WDFY4: variants seen among roughly 807,000 people sequenced by gnomAD.
WDFY4 encodes WDFY family member 4.
In WDFY4, 169 loss-of-function variants were observed where a neutral mutation model predicts 351.9. That is an observed-to-expected ratio of 0.48 (90% CI 0.42 to 0.55). The LOEUF is 0.55. Ranked by LOEUF, WDFY4 falls within the 20% of genes least tolerant of loss-of-function variation. WDFY4 has a pLI of 0.00. For missense variants in WDFY4, 3,803 were observed against 3,935.6 expected (o/e 0.97, Z 0.90); for synonymous variants, 1,622 against 1,574.6 (o/e 1.03, Z -0.71).
At chr10:48,907,284 C>T (rs1395227406) in intron 47 of WDFY4, among the ~76,000 whole-genome samples, 2 of 152,176 alleles carry the variant, frequency 1.3e-5, no homozygotes, top group Admixed American at 6.5e-5. Flanking sequence ...CTCTCTTGGG[C>T]TCAGCACATA....
intron 39 of WDFY4, among the ~76,000 whole-genome samples, chr10:48,863,760 A>G (rs536590349): frequency 1.3e-5 from 2 of 152,192 alleles, no homozygotes; most frequent in East Asian, 3.9e-4. Flanking sequence ...ACTGCCCAAG[A>G]CTGGGTAATT....
intron 47 of WDFY4, among the ~76,000 whole-genome samples, chr10:48,916,978 G>C (rs1295509045): frequency 6.6e-6 from 1 of 151,944 alleles, no homozygotes; most frequent in Non-Finnish European, 1.5e-5. Context: ...TGTCCCATAA[G>C]ATTGTGATAC....
rs1369674652 is a variant in WDFY4, at chr10:48,791,006, A to C, written c.4257+89A>C. 8.9e-6 allele frequency: 13 copies of C among 1,466,730 alleles called. No individual in the cohort carries two copies. The East Asian group carries it at 3.2e-4, about 36-fold the overall frequency. The allele number at this position is 1,466,730 out of a possible 1,614,324, so 90.9% of individuals were successfully genotyped here. On this transcript the variant is annotated intron_variant, in intron 23 of 61. Transcript: ENST00000325239. ...GACAAGCGTTGCTTGCCTCAGTTGC[A>C]TTCCCTCCAGGGTGACTTCTAGAGA... is the stretch of plus-strand genomic sequence containing the variant.
intron 19 of WDFY4, among the ~76,000 whole-genome samples, chr10:48,784,723 G>A (rs1442410793): frequency 1.3e-5 from 2 of 149,374 alleles, no homozygotes; most frequent in African/African-American, 2.5e-5. Flanking sequence ...TGTATTTTTA[G>A]TAGAGATGGG....
At chr10:48,973,499 T>C (rs1842422682) in intron 57 of WDFY4, among the ~76,000 whole-genome samples, 1 of 152,240 alleles carries the variant, frequency 6.6e-6, no homozygotes, top group South Asian at 2.1e-4. Flanking sequence ...CTTAGCCTCA[T>C]TGACCCAAAT....
intron 47 of WDFY4, among the ~76,000 whole-genome samples, chr10:48,925,578 T>A (rs1839503075): frequency 6.6e-6 from 1 of 152,318 alleles, no homozygotes; most frequent in Non-Finnish European, 1.5e-5. Context: ...CTCCACTAAC[T>A]GCCCCAATGT....
At chr10:48,734,543 T>C (rs1482156093) in intron 10 of WDFY4, among the ~76,000 whole-genome samples, 4 of 151,110 alleles carry the variant, frequency 2.6e-5, no homozygotes, top group Non-Finnish European at 5.9e-5. Flanking sequence ...TATATATATA[T>C]AATGACATAG....
chr10:48,979,550 A>G lies in WDFY4; in HGVS notation c.9376+1157A>G, dbSNP rs183731132. ...AGAAAGAATGCTGGATGGATGGGTA[A>G]ATGGATGGATGGATGGAAGGATGGA... On this transcript the variant is annotated intron_variant, in intron 60 of 61. Coordinates refer to ENST00000325239, the MANE Select transcript of WDFY4 (RefSeq NM_001394531.1). 8.7e-4 allele frequency: 129 copies of G among 147,942 alleles called. 1 individual carries two copies. Among genetic ancestry groups the G allele is most frequent in the African/African-American group, 3.2e-3 (127 of 39,570 alleles). 9.2% of individuals were successfully genotyped at this position (147,942 alleles called of 1,614,324 possible).
chr10:48,817,186 G>C, intron 31 of WDFY4, 59 bp from the exon 32 acceptor site: 1 of 1,532,070 alleles, frequency 6.5e-7, no homozygotes, highest in Non-Finnish European at 8.8e-7. Context: ...AGCTCCTCTG[G>C]TTAGGGAGGC....
intron 39 of WDFY4, among the ~76,000 whole-genome samples, chr10:48,856,880 T>C (rs2069152375): frequency 6.6e-6 from 1 of 152,176 alleles, no homozygotes; most frequent in South Asian, 2.1e-4. Context: ...AGAAAAACTC[T>C]TAGCTACTGG....
intron 16 of WDFY4, 131 bp from the exon 17 acceptor site, chr10:48,777,288 C>G: frequency 1.1e-6 from 1 of 896,464 alleles, no homozygotes; most frequent in Non-Finnish European, 1.8e-6. Flanking sequence ...ATCCTTGGGA[C>G]CTTATGGTCT....
At chr10:48,703,203 C>T (rs2889687) in intron 1 of WDFY4, among the ~76,000 whole-genome samples, 40,446 of 152,002 alleles carry the variant, frequency 0.27, 6,193 homozygotes, top group East Asian at 0.66. Context: ...TTTTGGAGCG[C>T]TCTAGATTGA....
rs1489162084 is a variant in WDFY4, at chr10:48,805,980, G to A, written c.4647-24G>A. On this transcript the variant is annotated intron_variant, in intron 26 of 61. Coordinates refer to ENST00000325239, the MANE Select transcript of WDFY4 (RefSeq NM_001394531.1). ...CTCAGTTGAGCCCGCCTGCGAGCCT[G>A]TCCTTCTCTCCCTGTGTATAAAGGA... The A allele has an allele frequency of 9.0e-6, 14 of 1,550,606 alleles. No homozygotes were observed. The East Asian group carries it at 1.2e-4, about 14-fold the overall frequency.
rs148222742 is a variant in WDFY4 at position 48,852,572 on chromosome 10, G to A, written c.6664-14693G>A. 5.1e-3 allele frequency among the ~76,000 whole-genome samples: 769 copies of A among 152,260 alleles called. 4 individuals carry two copies. Among genetic ancestry groups the A allele is most frequent in the Non-Finnish European group, 8.8e-3 (599 of 68,016 alleles). On this transcript the variant is annotated intron_variant, in intron 39 of 61. Coordinates refer to ENST00000325239, the MANE Select transcript of WDFY4 (RefSeq NM_001394531.1). Reference sequence around the variant, plus strand: ...CATTCTCCCAAGCATTCACCACTCTGTTCAAGATGCTGCTCAGCTCTCAGG... The same window carrying A: ...CATTCTCCCAAGCATTCACCACTCTATTCAAGATGCTGCTCAGCTCTCAGG...
intron 47 of WDFY4, among the ~76,000 whole-genome samples, chr10:48,904,095 C>A (rs1837496634): frequency 6.6e-6 from 1 of 152,216 alleles, no homozygotes; most frequent in South Asian, 2.1e-4. Context: ...AGCTTTGTAA[C>A]ATGAGAGTCA....
chr10:48,817,146 T>C, intron 31 of WDFY4, 99 bp from the exon 32 acceptor site: 1 of 1,358,578 alleles, frequency 7.4e-7, no homozygotes, highest in East Asian at 2.5e-5. Context: ...TTGTTGAAAG[T>C]CTCAGGAAGG....
intron 33 of WDFY4, among the ~76,000 whole-genome samples, chr10:48,820,830 C>T (rs2067798815): frequency 6.6e-6 from 1 of 152,156 alleles, no homozygotes; most frequent in Non-Finnish European, 1.5e-5. Flanking sequence ...GACAGGTGGC[C>T]GTGGGCTGTG....
In WDFY4 at chr10:48,735,847, G is replaced by C. The variant is rs1023114265; in HGVS notation, c.1688-33G>C. On this transcript the variant is annotated intron_variant, in intron 10 of 61. Coordinates refer to ENST00000325239, the MANE Select transcript of WDFY4 (RefSeq NM_001394531.1). ...AACTGAAGTGGCAAGCTTCCCCCTT[G>C]CCCTAGCCCCATTCTGTCTGTCTGA... 6 of 1,533,692 alleles carry C rather than the reference G, an allele frequency of 3.9e-6. No individual in the cohort carries two copies. In the African/African-American group the frequency reaches 6.9e-5, roughly 18 times the overall value.
chr10:48,943,570 G>A, intron 49 of WDFY4, 121 bp downstream of exon 49: 1 of 1,063,480 alleles, frequency 9.4e-7, no homozygotes, highest in Non-Finnish European at 1.3e-6. Context: ...TGGGTACCTG[G>A]GCCTAAAGGC....
Sources: allele counts gnomAD v4.1 joint callset (sites outside exome capture counted in the v4.1 genomes callset), GRCh38; gene constraint gnomAD v4.1.1; transcripts MANE v1.5; gene names NCBI Gene and HGNC (gene_info 2026-07-23, HGNC 2026-07-21).